Variants in ERP44 observed in about 807,000 individuals in gnomAD.
The protein encoded by ERP44 is endoplasmic reticulum protein 44, also known as endoplasmic reticulum resident protein 44.
In ERP44, 25 loss-of-function variants were observed where a neutral mutation model predicts 53.4. That is an observed-to-expected ratio of 0.47 (90% confidence interval 0.34 to 0.65). The LOEUF (loss-of-function observed/expected upper bound fraction) is 0.65. Ranked by LOEUF, ERP44 falls within the 30% of genes least tolerant of loss-of-function variation. The pLI is 0.01. For synonymous variants in ERP44, 145 were observed against 161.2 expected (o/e 0.90, Z 0.76); for missense variants, 338 against 493.2 (o/e 0.69, Z 2.98).
chr9:100,024,425 T>A (rs535019005), intron 4 of ERP44, among the ~76,000 whole-genome samples: 1 of 115,574 alleles, frequency 8.7e-6, no homozygotes, highest in Non-Finnish European at 1.7e-5. Flanking sequence ...GGAAGAAATA[T>A]AAATACATAT....
intron 10 of ERP44, among the ~76,000 whole-genome samples, chr9:99,985,320 T>G (rs528516594): frequency 6.6e-6 from 1 of 152,294 alleles, no homozygotes; most frequent in South Asian, 2.1e-4. Context: ...CACATTATAG[T>G]CTATCAAGAT....
chr9:100,068,707 A>G (rs1826264568), intron 1 of ERP44, among the ~76,000 whole-genome samples: 1 of 146,780 alleles, frequency 6.8e-6, no homozygotes, highest in Non-Finnish European at 1.5e-5. Flanking sequence ...CCCGTCCGGG[A>G]GGTGAGGGGC....
At chr9:99,986,222 A>C (rs1564083091) in intron 10 of ERP44, among the ~76,000 whole-genome samples, 1 of 152,108 alleles carries the variant, frequency 6.6e-6, no homozygotes, top group East Asian at 1.9e-4. Context: ...GGTTTTTACT[A>C]TCTGTCTACC....
chr9:99,997,183 A>C (rs1346138202), intron 10 of ERP44, among the ~76,000 whole-genome samples: 1 of 152,214 alleles, frequency 6.6e-6, no homozygotes, highest in Non-Finnish European at 1.5e-5. Context: ...TTGCTGTATC[A>C]AATGGTAGTT....
intron 10 of ERP44, among the ~76,000 whole-genome samples, chr9:100,002,124 T>C (rs1161045305): frequency 2.4e-4 from 8 of 33,576 alleles, no homozygotes; most frequent in African/African-American, 1.1e-3. Flanking sequence ...ATAAAAACTT[T>C]ATTCACATAA....
rs77408644 is a variant in ERP44, at chr9:100,020,708, T to C, written c.495A>G (p.Gly165=). ...TGTCCGAGTCCTTTTGCTCAAAATA[T>C]CCAATGATATTTCTTTTGCTGCGCT... is the stretch of plus-strand genomic sequence containing the variant. ...TLDRSKRNII[G]YFEQKDSDNY... is the part of the protein sequence containing the mutation. Residue 165 remains glycine (G), a synonymous_variant, in exon 6 of 12, where the codon GGA becomes GGG. Coordinates refer to ENST00000262455, the MANE Select transcript of ERP44 (RefSeq NM_015051.3). 3.8e-6 allele frequency: 6 copies of C among 1,598,968 alleles called. No individual in the cohort carries two copies. The East Asian group carries it at 1.1e-4, about 30-fold the overall frequency.
At chr9:100,051,784 C>T (rs1356982682) in intron 4 of ERP44, among the ~76,000 whole-genome samples, 1 of 152,104 alleles carries the variant, frequency 6.6e-6, no homozygotes, top group African/African-American at 2.4e-5. Flanking sequence ...ACAAATCCTT[C>T]ATGTATACGA....
chr9:100,074,588 G>A (rs1300618224), intron 1 of ERP44, among the ~76,000 whole-genome samples: 1 of 152,150 alleles, frequency 6.6e-6, no homozygotes, highest in African/African-American at 2.4e-5. Flanking sequence ...TGAAGGGGAG[G>A]CTGAGTCCCC....
At chr9:100,010,618 C>G (rs539269854) in intron 8 of ERP44, among the ~76,000 whole-genome samples, 8 of 152,050 alleles carry the variant, frequency 5.3e-5, no homozygotes, top group African/African-American at 1.9e-4. Flanking sequence ...AAACCAGGGA[C>G]AGGCTGGGCA....
intron 10 of ERP44, among the ~76,000 whole-genome samples, chr9:99,995,810 T>C (rs1011219309): frequency 1.3e-5 from 2 of 152,188 alleles, no homozygotes; most frequent in Non-Finnish European, 2.9e-5. Flanking sequence ...TCTTGCCTAT[T>C]GTGAATAATG....
At chr9:99,987,340 C>T (rs550178473) in intron 10 of ERP44, among the ~76,000 whole-genome samples, 87 of 152,214 alleles carry the variant, frequency 5.7e-4, no homozygotes, top group African/African-American at 2.1e-3. Context: ...GGGCCCTTGC[C>T]ATAATAAATA....
chr9:100,043,030 C>T (rs142363615), intron 4 of ERP44, among the ~76,000 whole-genome samples: 36 of 151,534 alleles, frequency 2.4e-4, no homozygotes, highest in South Asian at 8.4e-4. Context: ...GAGGCCGAAG[C>T]GGGCGAATCA....
At chr9:100,013,055 G>A (rs908961157) in intron 8 of ERP44, among the ~76,000 whole-genome samples, 1 of 152,172 alleles carries the variant, frequency 6.6e-6, no homozygotes, top group Admixed American at 6.5e-5. Context: ...ACAATGGTCA[G>A]TCCCAAAAGT....
At chr9:100,010,976 G>C (rs1217959036) in intron 8 of ERP44, among the ~76,000 whole-genome samples, 1 of 149,588 alleles carries the variant, frequency 6.7e-6, no homozygotes, top group East Asian at 1.9e-4. Flanking sequence ...AGCAGAAAAA[G>C]TCTAATCCAC....
At chr9:100,081,342 G>C (rs1826421703) in intron 1 of ERP44, among the ~76,000 whole-genome samples, 1 of 152,054 alleles carries the variant, frequency 6.6e-6, no homozygotes, top group Admixed American at 6.6e-5. Context: ...AAAGAAAAGG[G>C]CTCTTTCAAA....
intron 10 of ERP44, among the ~76,000 whole-genome samples, chr9:100,001,239 G>T (rs1484457004): frequency 6.6e-6 from 1 of 152,042 alleles, no homozygotes; most frequent in African/African-American, 2.4e-5. Context: ...CTTAAATTTG[G>T]TAAGACTTGT....
chr9:100,036,623 G>A (rs137925145), intron 4 of ERP44, among the ~76,000 whole-genome samples: 2,105 of 152,124 alleles, frequency 0.014, 18 homozygotes, highest in Non-Finnish European at 0.022. Flanking sequence ...TAATAATCCT[G>A]CACATATACC....
chr9:100,089,275 G>A (rs1184358718), intron 1 of ERP44, among the ~76,000 whole-genome samples: 2 of 152,108 alleles, frequency 1.3e-5, no homozygotes, highest in Non-Finnish European at 2.9e-5. Flanking sequence ...AGTGATGCTG[G>A]CAATTAAGAT....
intron 3 of ERP44, among the ~76,000 whole-genome samples, chr9:100,057,547 T>C (rs1228633513): frequency 6.6e-6 from 1 of 152,208 alleles, no homozygotes; most frequent in Non-Finnish European, 1.5e-5. Context: ...AATTGCAATA[T>C]GTGTTCCCTT....
Sources: allele counts gnomAD v4.1 joint callset (sites outside exome capture counted in the v4.1 genomes callset), GRCh38; gene constraint gnomAD v4.1.1; transcripts MANE v1.5; gene names NCBI Gene and HGNC (gene_info 2026-07-23, HGNC 2026-07-21).